Variants in XKR3 observed in about 807,000 individuals in gnomAD.
XKR3 encodes XK-related protein 3.
Under a neutral mutation model 40.3 loss-of-function variants are expected in XKR3, and 27 were observed. The ratio of observed to expected loss-of-function variants is 0.67; its 90% confidence interval spans 0.49 to 0.92. The LOEUF is 0.92. Among genes scored for constraint, XKR3 ranks in the 40% least tolerant of loss-of-function variants. The pLI, the probability that XKR3 is intolerant of heterozygous loss-of-function variation, is 0.00. For missense variants in XKR3, 472 were observed against 537.6 expected, an observed-to-expected ratio of 0.88 and a Z score of 1.21; for synonymous variants, 193 against 195.4, an observed-to-expected ratio of 0.99 and a Z score of 0.10.
chr22:16,809,672 AACCAGTCAGGCTTTCATCCCCAACG>A (rs2060204887), intron 1 of XKR3, among the ~76,000 whole-genome samples: 1 of 152,204 alleles, frequency 6.6e-6, no homozygotes, highest in African/African-American at 2.4e-5. Context: ...CACTTACCTT[AACCAGTCAGGCTTTCATCCCCAACG>A]GTCCACCAAA....
chr22:16,792,785 CAA>C, intron 3 of XKR3, among the ~76,000 whole-genome samples: 1 of 152,208 alleles, frequency 6.6e-6, no homozygotes, highest in Non-Finnish European at 1.5e-5. Context: ...ATGTTTTGTT[CAA>C]GTCTATATTT....
chr22:16,818,839 ATGATT>A (rs2060244297), intron 1 of XKR3, among the ~76,000 whole-genome samples: 1 of 152,104 alleles, frequency 6.6e-6, no homozygotes, highest in Non-Finnish European at 1.5e-5. Flanking sequence ...CTAAGTAGAG[ATGATT>A]GCACTGTGCT....
Position 16,822,991 on chromosome 22 carries a change from C to T in XKR3, c.-11+2300G>A, listed in dbSNP as rs187457949. On this transcript the variant is annotated intron_variant, in intron 1 of 3. Transcript: ENST00000684488. ...CTCAACCTCCAGGACTCAAATGATC[C>T]TCCTGCCTTAGCCTCCCAAGTAGCT... is the stretch of plus-strand genomic sequence containing the variant. 4.4e-3 allele frequency among the ~76,000 whole-genome samples: 668 copies of T among 152,252 alleles called. 6 individuals are homozygous for T. Among genetic ancestry groups the T allele is most frequent in the African/African-American group, 0.015 (621 of 41,542 alleles).
intron 3 of XKR3, among the ~76,000 whole-genome samples, chr22:16,784,649 A>G (rs916740277): frequency 3.3e-5 from 5 of 152,198 alleles, no homozygotes; most frequent in Admixed American, 2.0e-4. Context: ...ACATATCTAC[A>G]TTTATACATG....
intron 1 of XKR3, among the ~76,000 whole-genome samples, chr22:16,824,010 AAAAAC>A (rs1601854908): frequency 6.6e-6 from 1 of 152,192 alleles, no homozygotes; most frequent in Non-Finnish European, 1.5e-5. Flanking sequence ...CCAAAAATTA[AAAAAC>A]AAAACAAAAC....
At chr22:16,822,230 A>G (rs534172382) in intron 1 of XKR3, among the ~76,000 whole-genome samples, 54 of 152,278 alleles carry the variant, frequency 3.5e-4, no homozygotes, top group Non-Finnish European at 6.0e-4. Context: ...GGATAATGGT[A>G]CATGTTATTT....
intron 3 of XKR3, among the ~76,000 whole-genome samples, chr22:16,790,538 C>A (rs2146143690): frequency 6.6e-6 from 1 of 152,088 alleles, no homozygotes; most frequent in East Asian, 1.9e-4. Flanking sequence ...ACAACACGCA[C>A]TGTGGCCCAT....
chr22:16,807,679 T>C, intron 2 of XKR3, 60 bp downstream of exon 2: 1 of 1,370,130 alleles, frequency 7.3e-7, no homozygotes, highest in Non-Finnish European at 1.0e-6. Context: ...TTTTTAGCCA[T>C]CTATTTATAT....
At chr22:16,793,353 A>G (rs1394561046) in intron 3 of XKR3, among the ~76,000 whole-genome samples, 4 of 152,234 alleles carry the variant, frequency 2.6e-5, no homozygotes. Context: ...GGGTAATGAA[A>G]AGGTGCAAAG....
At position 16,784,253 on chromosome 22, in the gene XKR3, C is replaced by A; in HGVS notation, c.746G>T (p.Arg249Leu). 6.2e-7 allele frequency: 1 copy of A among 1,614,158 alleles called. No homozygotes were observed. The highest frequency in any genetic ancestry group is 8.5e-7 in the Non-Finnish European group (1 of 1,180,026). ...AATGAAAAATGCCAGAGTCACTACA[C>A]GTGAGATAACCTCCAAAAAACGCCA... The part of the protein sequence containing the change: ...VMWRFLEVIS[R>L]VVTLAFFIAS... The change falls in exon 4 of 4, where the codon CGT becomes CTT. Residue 249 changes from arginine to leucine, a missense_variant. Transcript: ENST00000684488.
At chr22:16,799,740 G>C (rs375886528) in intron 3 of XKR3, 31 bp downstream of exon 3, 228 of 1,609,788 alleles carry the variant, frequency 1.4e-4, no homozygotes, top group Non-Finnish European at 6.8e-6. Flanking sequence ...TGACCTTTGT[G>C]TGTCTTTCAG....
intron 3 of XKR3, among the ~76,000 whole-genome samples, chr22:16,792,855 C>G (rs2060126089): frequency 6.6e-6 from 1 of 152,188 alleles, no homozygotes; most frequent in African/African-American, 2.4e-5. Flanking sequence ...ACCAGCACTT[C>G]CCTCTTAAAC....
At chr22:16,823,958 T>C (rs920572290) in intron 1 of XKR3, among the ~76,000 whole-genome samples, 1 of 152,128 alleles carries the variant, frequency 6.6e-6, no homozygotes, top group African/African-American at 2.4e-5. Context: ...ATCTTAATGA[T>C]GAGAACTAAT....
At chr22:16,821,381 G>A (rs9618894) in intron 1 of XKR3, among the ~76,000 whole-genome samples, 3,399 of 152,020 alleles carry the variant, frequency 0.022, 149 homozygotes, top group African/African-American at 0.078. Context: ...GATAAACAAA[G>A]CATCTCAAAA....
chr22:16,784,190 A>G lies in XKR3; in HGVS notation c.809T>C (p.Ile270Thr). ...TGCCAACAATGATACAAAATATATGATTAACAAAACGGGTAGGCTCTTCAG... is the reference window on the plus strand; with the variant it reads ...TGCCAACAATGATACAAAATATATGGTTAACAAAACGGGTAGGCTCTTCAG... ...LKLKSLPVLL[I>T]IYFVSLLAPW... is the part of the protein sequence containing the mutation. The change falls in exon 4 of 4, where the codon ATC becomes ACC. Residue 270 changes from isoleucine to threonine, a missense_variant. Physicochemically the swap from Ile to Thr is moderately conservative, Grantham distance 89. Coordinates refer to ENST00000684488, the MANE Select transcript of XKR3 (RefSeq NM_001386955.1). The G allele has an allele frequency of 6.2e-7, 1 of 1,614,268 alleles. No individual in the cohort carries two copies. Among genetic ancestry groups the G allele is most frequent in the African/African-American group, 1.3e-5 (1 of 75,072 alleles).
At chr22:16,818,878 C>T (rs554010450) in intron 1 of XKR3, among the ~76,000 whole-genome samples, 3 of 152,190 alleles carry the variant, frequency 2.0e-5, no homozygotes, top group East Asian at 3.9e-4. Context: ...TTCCACTACC[C>T]TACCCTATTC....
intron 3 of XKR3, among the ~76,000 whole-genome samples, chr22:16,799,090 A>T (rs1343619185): frequency 6.6e-6 from 1 of 152,060 alleles, no homozygotes; most frequent in Non-Finnish European, 1.5e-5. Flanking sequence ...GCACATTCTC[A>T]CTTTCATGCA....
intron 3 of XKR3, among the ~76,000 whole-genome samples, chr22:16,791,880 T>C (rs1350908749): frequency 1.3e-5 from 2 of 150,964 alleles, no homozygotes; most frequent in Admixed American, 6.6e-5. Context: ...CATAAAATTG[T>C]ATTACACTGA....
intron 1 of XKR3, among the ~76,000 whole-genome samples, chr22:16,813,496 C>T (rs2060221495): frequency 6.6e-6 from 1 of 151,836 alleles, no homozygotes; most frequent in Non-Finnish European, 1.5e-5. Flanking sequence ...AGTAATTTGT[C>T]CAAATTCTTT....
Sources: allele counts gnomAD v4.1 joint callset (sites outside exome capture counted in the v4.1 genomes callset), GRCh38; gene constraint gnomAD v4.1.1; transcripts MANE v1.5; gene names NCBI Gene and HGNC (gene_info 2026-07-23, HGNC 2026-07-21).